Variants in PCDHGA9 observed in about 807,000 individuals in gnomAD.
The protein encoded by PCDHGA9 is protocadherin gamma subfamily A, 9, also known as protocadherin gamma-A9.
A neutral mutation model predicts 62.5 loss-of-function variants in PCDHGA9; 37 were observed. The ratio of observed to expected loss-of-function variants is 0.59; its 90% CI spans 0.46 to 0.78. PCDHGA9 has a LOEUF of 0.78. Ranked by LOEUF, PCDHGA9 falls within the 30% of genes least tolerant of loss-of-function variation. The pLI is 0.00. For missense variants in PCDHGA9, 1,138 were observed against 1,166.2 expected, an observed-to-expected ratio of 0.98 and a Z score of 0.35; for synonymous variants, 459 against 484.6, an observed-to-expected ratio of 0.95 and a Z score of 0.69.
intron 1 of PCDHGA9, chr5:141,413,078 C>T: frequency 7.7e-7 from 1 of 1,301,152 alleles, no homozygotes; most frequent in Non-Finnish European, 1.1e-6. Flanking sequence ...AGTGCCCAGG[C>T]TACAGAGACA....
chr5:141,415,149 C>T, intron 1 of PCDHGA9: 1 of 1,613,796 alleles, frequency 6.2e-7, no homozygotes, highest in Middle Eastern at 1.6e-4. Context: ...AGCCCCCTCT[C>T]TCCGCCACTG....
At position 141,432,612 on chromosome 5, in the gene PCDHGA9, C is replaced by A. The variant is rs752901891; in HGVS notation, c.2424+27236C>A. On this transcript the variant is annotated intron_variant, in intron 1 of 3. Transcript: ENST00000573521. This position sits in a 1 kb window ranked among gnomAD's most constrained non-coding sequence, Gnocchi z 6.0. ...AAGGCCAGCGAGCCGGGACTCTTCT[C>A]GGTGGGTCTGCACACGGGCGAGGTG... 1 of 1,613,912 alleles carries A rather than the reference C, an allele frequency of 6.2e-7. No individual in the cohort carries two copies. The highest frequency in any genetic ancestry group is 1.1e-5 in the South Asian group (1 of 91,062).
chr5:141,505,614 A>G (rs2154593732), intron 3 of PCDHGA9, 133 bp downstream of exon 3: 1 of 1,510,758 alleles, frequency 6.6e-7, no homozygotes, highest in Non-Finnish European at 8.9e-7. Context: ...GTCTGAAAGG[A>G]CCCACAATTC....
At chr5:141,427,519 G>A (rs1428732557) in intron 1 of PCDHGA9, 1 of 602,000 alleles carries the variant, frequency 1.7e-6, no homozygotes, top group Non-Finnish European at 3.1e-6. Context: ...GATTGGGAGC[G>A]GATCCCGGAG....
At chr5:141,421,813 G>A in intron 1 of PCDHGA9, 1 of 1,613,838 alleles carries the variant, frequency 6.2e-7, no homozygotes, top group Non-Finnish European at 8.5e-7. Flanking sequence ...TCCAGAGCTA[G>A]TACTGGAGGG....
At chr5:141,421,870 G>A in intron 1 of PCDHGA9, 1 of 1,613,758 alleles carries the variant, frequency 6.2e-7, no homozygotes, top group Non-Finnish European at 8.5e-7. Flanking sequence ...CCTCCTCACA[G>A]CTTTAGATGG....
At position 141,487,728 on chromosome 5, in the gene PCDHGA9, C is replaced by T. The variant is rs986276637; in HGVS notation, c.2425-7079C>T. 2 of 1,570,444 alleles carry T rather than the reference C, an allele frequency of 1.3e-6. No homozygotes were observed. Among genetic ancestry groups the T allele is most frequent in the East Asian group, 2.3e-5 (1 of 42,866 alleles). ...TCAGTAAGTGCCCATAGTGATGTCA[C>T]CATTTTTGTAAGAGGTAACTATGTG... On this transcript the variant is annotated intron_variant, in intron 1 of 3. Coordinates refer to ENST00000573521, the MANE Select transcript of PCDHGA9 (RefSeq NM_018921.3). The surrounding 1 kb of genome is among the most constrained non-coding windows in gnomAD (Gnocchi z 5.0).
At chr5:141,462,036 G>T (rs760555655) in intron 1 of PCDHGA9, among the ~76,000 whole-genome samples, 6 of 151,978 alleles carry the variant, frequency 3.9e-5, no homozygotes, top group Non-Finnish European at 8.8e-5. Flanking sequence ...TTGGTCAGGC[G>T]GGTCTTGAAC....
chr5:141,439,716 C>T (rs2098127719), intron 1 of PCDHGA9: 1 of 152,476 alleles, frequency 6.6e-6, no homozygotes, highest in Non-Finnish European at 1.5e-5. Flanking sequence ...CCTAGTTCTA[C>T]AAATTATAAG....
intron 1 of PCDHGA9, among the ~76,000 whole-genome samples, chr5:141,488,571 A>G (rs2099677106): frequency 6.6e-6 from 1 of 152,194 alleles, no homozygotes; most frequent in East Asian, 1.9e-4. Flanking sequence ...TCCGCAAAGC[A>G]TTGCTGGAGA....
chr5:141,485,938 A>G lies in PCDHGA9; in HGVS notation c.2425-8869A>G. The stretch of plus-strand genomic sequence containing the variant: ...ACAGGATTAGTGTGTTGGAGAGCGC[A>G]CCAGCGGGCATGGTGCTCATCCAGC... On this transcript the variant is annotated intron_variant, in intron 1 of 3. Transcript: ENST00000573521. The surrounding 1 kb of genome is among the most constrained non-coding windows in gnomAD (Gnocchi z 5.7). 6.2e-7 allele frequency: 1 copy of G among 1,614,162 alleles called. No individual in the cohort carries two copies. The highest frequency in any genetic ancestry group is 1.3e-5 in the African/African-American group (1 of 75,028).
chr5:141,473,362 C>G (rs2099320242), intron 1 of PCDHGA9, among the ~76,000 whole-genome samples: 1 of 152,166 alleles, frequency 6.6e-6, no homozygotes, highest in South Asian at 2.1e-4. Flanking sequence ...AAGTGGCCAC[C>G]AAAATAGCAT....
intron 1 of PCDHGA9, chr5:141,424,567 A>T (rs1034112526): frequency 3.3e-5 from 5 of 152,176 alleles, no homozygotes; most frequent in African/African-American, 7.2e-5. Flanking sequence ...CTTCTCAAAA[A>T]CCTATTTTCA....
At chr5:141,474,159 G>A (rs2154571930) in intron 1 of PCDHGA9, among the ~76,000 whole-genome samples, 1 of 152,226 alleles carries the variant, frequency 6.6e-6, no homozygotes, top group South Asian at 2.1e-4. Context: ...GAAAATGACA[G>A]GCCTTATTAT....
Position 141,503,999 on chromosome 5 carries a change from C to T in PCDHGA9, c.2484-1394C>T, listed in dbSNP as rs569153055. On this transcript the variant is annotated intron_variant, in intron 2 of 3. Coordinates refer to ENST00000573521, the MANE Select transcript of PCDHGA9 (RefSeq NM_018921.3). Reference sequence around the variant, plus strand: ...AACCCTTCTTCTTACCTTACAGTCACTTAACTGTCTCTGCTGGTCTCTTCC... The same window carrying T: ...AACCCTTCTTCTTACCTTACAGTCATTTAACTGTCTCTGCTGGTCTCTTCC... 2.0e-5 allele frequency among the ~76,000 whole-genome samples: 3 copies of T among 152,286 alleles called. No individual in the cohort carries two copies. The South Asian group carries it at 6.2e-4, about 32-fold the overall frequency.
chr5:141,459,117 T>A (rs1489347692), intron 1 of PCDHGA9, among the ~76,000 whole-genome samples: 1 of 152,224 alleles, frequency 6.6e-6, no homozygotes, highest in Non-Finnish European at 1.5e-5. Flanking sequence ...GACAATTGTT[T>A]ACATCTGTGT....
intron 1 of PCDHGA9, among the ~76,000 whole-genome samples, chr5:141,458,112 A>C (rs2098937913): frequency 6.6e-6 from 1 of 152,208 alleles, no homozygotes; most frequent in Non-Finnish European, 1.5e-5. Context: ...ATAGTCTCCA[A>C]ATTTTAGAGG....
chr5:141,428,057 G>T, intron 1 of PCDHGA9: 1 of 1,609,044 alleles, frequency 6.2e-7, no homozygotes, highest in Non-Finnish European at 8.5e-7. Flanking sequence ...AGGTGGTGGC[G>T]GTGGACGCAG....
Position 141,421,984 on chromosome 5 carries a change from C to G in PCDHGA9, c.2424+16608C>G, listed in dbSNP as rs201871921. On this transcript the variant is annotated intron_variant, in intron 1 of 3. Transcript: ENST00000573521. ...ACAGTCCGTATATCGCGTGAGTGTT[C>G]CAGAAAACATCAGCTCCGGAACTCG... 21 of 1,608,770 alleles carry G rather than the reference C, an allele frequency of 1.3e-5. No homozygotes were observed. In the Admixed American group the frequency reaches 2.4e-4, roughly 18 times the overall value.
Sources: gnomAD v4.1 joint callset for allele counts (sites outside exome capture counted in the v4.1 genomes callset) on GRCh38, gnomAD v4.1.1 for gene constraint, Gnocchi (gnomAD v3.1) non-coding constraint, MANE v1.5 for transcripts, NCBI Gene and HGNC (gene_info 2026-07-23, HGNC 2026-07-21) for gene names.